CNTNAP5: variants seen among roughly 807,000 people sequenced by gnomAD.
CNTNAP5 encodes contactin associated protein family member 5.
CNTNAP5 carries 72 observed loss-of-function variants against 150.2 expected under a neutral mutation model. That is an observed-to-expected ratio of 0.48 (90% CI 0.40 to 0.58). CNTNAP5 has a LOEUF of 0.58. CNTNAP5 is among the 20% of genes least tolerant of loss of function. The pLI, the probability that CNTNAP5 is intolerant of heterozygous loss-of-function variation, is 0.00. For missense variants in CNTNAP5, 1,636 were observed against 1,626.2 expected (o/e 1.01, Z -0.10); for synonymous variants, 672 against 619.8 (o/e 1.08, Z -1.25).
At chr2:124,040,531 T>C (rs1681340863) in intron 1 of CNTNAP5, among the ~76,000 whole-genome samples, 1 of 149,792 alleles carries the variant, frequency 6.7e-6, no homozygotes, top group African/African-American at 2.4e-5. Flanking sequence ...GTAAATATAA[T>C]GTGTTTGTAC....
intron 3 of CNTNAP5, among the ~76,000 whole-genome samples, chr2:124,288,214 G>A: frequency 6.6e-6 from 1 of 152,310 alleles, no homozygotes; most frequent in South Asian, 2.1e-4. Context: ...ACAGACATGA[G>A]CCACTGCACC....
chr2:124,351,869 G>C (rs538184442), intron 3 of CNTNAP5, among the ~76,000 whole-genome samples: 17 of 152,234 alleles, frequency 1.1e-4, no homozygotes, highest in Non-Finnish European at 1.5e-4. Flanking sequence ...AAGCAAAAAT[G>C]CTGAATACAC....
intron 19 of CNTNAP5, among the ~76,000 whole-genome samples, chr2:124,841,885 C>T (rs1682951716): frequency 6.6e-6 from 1 of 152,068 alleles, no homozygotes. Flanking sequence ...AGGTAACAAA[C>T]CACAAATCGT....
chr2:124,525,959 T>C (rs1178133290), intron 9 of CNTNAP5, among the ~76,000 whole-genome samples: 1 of 152,170 alleles, frequency 6.6e-6, no homozygotes, highest in African/African-American at 2.4e-5. Context: ...ATTATAATGA[T>C]CGTAGAACAA....
At chr2:124,870,238 T>A (rs1284846573) in intron 21 of CNTNAP5, among the ~76,000 whole-genome samples, 1 of 151,854 alleles carries the variant, frequency 6.6e-6, no homozygotes, top group African/African-American at 2.4e-5. Flanking sequence ...AAGATAGAAA[T>A]TTTTTATCTA....
intron 12 of CNTNAP5, among the ~76,000 whole-genome samples, chr2:124,617,069 T>A (rs966760897): frequency 6.6e-6 from 1 of 151,892 alleles, no homozygotes; most frequent in African/African-American, 2.4e-5. Context: ...ACAATGATAA[T>A]AATATAATAT....
At chr2:124,324,184 C>T (rs1027661791) in intron 3 of CNTNAP5, among the ~76,000 whole-genome samples, 1 of 152,106 alleles carries the variant, frequency 6.6e-6, no homozygotes, top group Non-Finnish European at 1.5e-5. Flanking sequence ...CCTAGGGAAC[C>T]ACTGAATTGG....
intron 4 of CNTNAP5, among the ~76,000 whole-genome samples, chr2:124,433,315 C>T (rs542765029): frequency 6.6e-6 from 1 of 152,268 alleles, no homozygotes; most frequent in Non-Finnish European, 1.5e-5. Flanking sequence ...AGGTTTCCAT[C>T]AGCAACATTT....
chr2:124,301,697 G>A (rs1420117729), intron 3 of CNTNAP5, among the ~76,000 whole-genome samples: 1 of 152,064 alleles, frequency 6.6e-6, no homozygotes. Context: ...CACTGTATCA[G>A]GCCTATGATG....
At chr2:124,265,968 C>G (rs1225583481) in intron 3 of CNTNAP5, among the ~76,000 whole-genome samples, 1 of 152,168 alleles carries the variant, frequency 6.6e-6, no homozygotes, top group African/African-American at 2.4e-5. Flanking sequence ...TCTCTCAGCT[C>G]GCACTACATA....
At chr2:124,505,049 T>C (rs923590129) in intron 8 of CNTNAP5, among the ~76,000 whole-genome samples, 1 of 152,116 alleles carries the variant, frequency 6.6e-6, no homozygotes, top group African/African-American at 2.4e-5. Context: ...AAAGTGAATT[T>C]ATAATTAGCT....
At chr2:124,639,089 C>T (rs58756976) in intron 12 of CNTNAP5, among the ~76,000 whole-genome samples, 2,236 of 152,208 alleles carry the variant, frequency 0.015, 31 homozygotes, top group African/African-American at 0.043. Flanking sequence ...TCTGGTAGTC[C>T]GTTAAGTGTT....
At chr2:124,882,367 C>T (rs1413869599) in intron 21 of CNTNAP5, among the ~76,000 whole-genome samples, 2 of 152,056 alleles carry the variant, frequency 1.3e-5, no homozygotes, top group Non-Finnish European at 2.9e-5. Context: ...ATTGTTTATT[C>T]CCTTAAATAT....
At chr2:124,164,714 C>A (rs1379604780) in intron 1 of CNTNAP5, among the ~76,000 whole-genome samples, 1 of 152,094 alleles carries the variant, frequency 6.6e-6, no homozygotes, top group African/African-American at 2.4e-5. Context: ...TTACACAGGG[C>A]CACGTAAATC....
chr2:124,431,621 T>G (rs1362923234), intron 4 of CNTNAP5, among the ~76,000 whole-genome samples: 1 of 146,270 alleles, frequency 6.8e-6, no homozygotes, highest in African/African-American at 2.5e-5. Flanking sequence ...TTTCTTTATA[T>G]AAACATTATA....
At chr2:124,048,932 A>C (rs1379032819) in intron 1 of CNTNAP5, among the ~76,000 whole-genome samples, 4 of 152,244 alleles carry the variant, frequency 2.6e-5, no homozygotes, top group Non-Finnish European at 5.9e-5. Context: ...ACGTTAGGTT[A>C]CATCAAATGC....
rs986065203 is a variant in CNTNAP5 at position 124,423,687 on chromosome 2, C to A, written c.529+6097C>A. 1.2e-4 allele frequency among the ~76,000 whole-genome samples: 4 copies of A among 33,424 alleles called. 1 individual carries two copies. The highest frequency in any genetic ancestry group is 5.2e-4 in the African/African-American group (4 of 7,724). The allele number at this position is 33,424 out of a possible 152,430, so 21.9% of individuals were successfully genotyped here. ...TTTTTTTTTTTTTTTTTTTTTGAGA[C>A]GGAGTCTCGCTCTGTCGCCCAGGCT... is the stretch of plus-strand genomic sequence containing the variant. On this transcript the variant is annotated intron_variant, in intron 4 of 23. Transcript: ENST00000682447.
At chr2:124,652,499 C>T (rs113486169) in intron 13 of CNTNAP5, among the ~76,000 whole-genome samples, 1,565 of 152,186 alleles carry the variant, frequency 0.01, 16 homozygotes, top group Non-Finnish European at 0.016. Context: ...GTCCTGAAGG[C>T]GACATGTGAT....
Position 124,472,961 on chromosome 2 carries a change from C to T in CNTNAP5, c.919-1778C>T, listed in dbSNP as rs1194321765. The stretch of plus-strand genomic sequence containing the variant: ...CGAAGTACAATAAAACAAGGTATTG[C>T]CTGTATCTCCCTCACAAATTAAAAG... On this transcript the variant is annotated intron_variant, in intron 6 of 23. Transcript: ENST00000682447. 1.9e-4 allele frequency among the ~76,000 whole-genome samples: 29 copies of T among 151,874 alleles called. No homozygotes were observed. The Admixed American group carries it at 1.9e-3, about 10-fold the overall frequency.
Sources: allele counts gnomAD v4.1 joint callset (sites outside exome capture counted in the v4.1 genomes callset), GRCh38; gene constraint gnomAD v4.1.1; transcripts MANE v1.5; gene names NCBI Gene and HGNC (gene_info 2026-07-23, HGNC 2026-07-21).